TMEM120B: variants seen among roughly 807,000 people sequenced by gnomAD.
The protein encoded by TMEM120B is transmembrane protein 120B.
A neutral mutation model predicts 55.5 loss-of-function variants in TMEM120B; 31 were observed. That is an observed-to-expected ratio of 0.56 (90% CI 0.42 to 0.75). The LOEUF (loss-of-function observed/expected upper bound fraction) is 0.75. TMEM120B is among the 30% of genes least tolerant of loss of function. TMEM120B has a pLI of 0.00. For missense variants in TMEM120B, 399 were observed against 425.5 expected (o/e 0.94, Z 0.55); for synonymous variants, 203 against 176.3 (o/e 1.15, Z -1.20).
At chr12:121,741,012 A>G (rs1463503989) in intron 1 of TMEM120B, among the ~76,000 whole-genome samples, 2 of 152,244 alleles carry the variant, frequency 1.3e-5, no homozygotes, top group East Asian at 3.9e-4. Flanking sequence ...CTGTGTTCCA[A>G]TAAAACTTTA....
At chr12:121,750,157 A>T (rs1873230140) in intron 3 of TMEM120B, among the ~76,000 whole-genome samples, 1 of 151,954 alleles carries the variant, frequency 6.6e-6, no homozygotes, top group Admixed American at 6.6e-5. Flanking sequence ...CTAGGGTAGC[A>T]TGGAGGAGAA....
chr12:121,760,014 C>T (rs1436264915), intron 5 of TMEM120B, among the ~76,000 whole-genome samples: 1 of 151,400 alleles, frequency 6.6e-6, no homozygotes, highest in Admixed American at 6.6e-5. Flanking sequence ...ACCCATAGTC[C>T]CAGCTACTCA....
intron 5 of TMEM120B, among the ~76,000 whole-genome samples, chr12:121,757,981 T>C (rs1276093067): frequency 6.6e-6 from 1 of 152,142 alleles, no homozygotes; most frequent in Non-Finnish European, 1.5e-5. Flanking sequence ...TAGCCTGATG[T>C]GGTATTGTGC....
At chr12:121,738,025 A>G (rs1872808525) in intron 1 of TMEM120B, among the ~76,000 whole-genome samples, 1 of 151,590 alleles carries the variant, frequency 6.6e-6, no homozygotes, top group East Asian at 1.9e-4. Context: ...AAAAAAAAAA[A>G]AAAAGAAAGT....
chr12:121,735,827 A>G (rs1895099296), intron 1 of TMEM120B, among the ~76,000 whole-genome samples: 3 of 151,818 alleles, frequency 2.0e-5, no homozygotes, highest in Admixed American at 6.6e-5. Context: ...AGTAGCTGGG[A>G]TTACAGGCGC....
Position 121,771,362 on chromosome 12 carries a change from A to G in TMEM120B, c.618-126A>G, listed in dbSNP as rs1458898307. On this transcript the variant is annotated intron_variant, in intron 7 of 11. Transcript: ENST00000449592. ...CCCAGCCCCAGGGATAGAAGGGCGGAAGTCTGGACCTCAGTTTGACTTTAT... is the reference window on the plus strand; with the variant it reads ...CCCAGCCCCAGGGATAGAAGGGCGGGAGTCTGGACCTCAGTTTGACTTTAT... 6 of 823,110 alleles carry G rather than the reference A, an allele frequency of 7.3e-6. No individual in the cohort carries two copies. In the Admixed American group the frequency reaches 1.0e-4, roughly 14 times the overall value. The allele number at this position is 823,110 out of a possible 1,614,324, so 51.0% of individuals were successfully genotyped here. A position where few individuals can be genotyped will look rare whatever the true frequency, so the allele number is the denominator to read the frequency against.
chr12:121,722,878 C>T (rs1434172197), intron 1 of TMEM120B, among the ~76,000 whole-genome samples: 9 of 127,860 alleles, frequency 7.0e-5, no homozygotes, highest in South Asian at 2.5e-4. Context: ...GATGGAGTTT[C>T]GCTCTTGTTG....
chr12:121,715,925 A>T lies in TMEM120B; in HGVS notation c.69+2961A>T, dbSNP rs553453556. 7.3e-5 allele frequency among the ~76,000 whole-genome samples: 11 copies of T among 151,234 alleles called. No individual in the cohort carries two copies. In the South Asian group the frequency reaches 1.0e-3, roughly 14 times the overall value. On this transcript the variant is annotated intron_variant, in intron 1 of 11. Transcript: ENST00000449592. ...GATGTGAGAGCTCTGAACTCTCAAG[A>T]TGCAAGGCTCTGGGACTCTGTATAT...
chr12:121,770,123 C>T (rs1040473942), intron 6 of TMEM120B, among the ~76,000 whole-genome samples: 4 of 152,024 alleles, frequency 2.6e-5, no homozygotes, highest in Non-Finnish European at 5.9e-5. Context: ...TACCGCCCGC[C>T]GAGTGTCCTA....
intron 1 of TMEM120B, among the ~76,000 whole-genome samples, chr12:121,735,801 CT>C (rs2137077298): frequency 6.6e-6 from 1 of 152,066 alleles, no homozygotes. Flanking sequence ...AGTGAGTCTT[CT>C]GCCTCAGTCC....
intron 6 of TMEM120B, among the ~76,000 whole-genome samples, chr12:121,769,626 C>T (rs987756379): frequency 1.3e-5 from 2 of 152,102 alleles, no homozygotes; most frequent in Non-Finnish European, 2.9e-5. Flanking sequence ...ATTGCTTGAC[C>T]TGGGAGGTCA....
At chr12:121,720,224 A>G (rs948226287) in intron 1 of TMEM120B, among the ~76,000 whole-genome samples, 8 of 152,174 alleles carry the variant, frequency 5.3e-5, no homozygotes, top group African/African-American at 4.8e-5. Flanking sequence ...CCTCCCACGC[A>G]CAGACCCCCA....
chr12:121,759,902 G>A (rs1319793429), intron 5 of TMEM120B, among the ~76,000 whole-genome samples: 1 of 152,012 alleles, frequency 6.6e-6, no homozygotes, highest in Non-Finnish European at 1.5e-5. Context: ...GGAAGCCGAG[G>A]CAGGTGGATC....
At chr12:121,753,677 T>C (rs1355829086) in intron 5 of TMEM120B, among the ~76,000 whole-genome samples, 1 of 151,944 alleles carries the variant, frequency 6.6e-6, no homozygotes, top group East Asian at 1.9e-4. Context: ...ACAAGTTTTA[T>C]GGTATGTGAA....
At chr12:121,766,724 C>T (rs528004030) in intron 6 of TMEM120B, among the ~76,000 whole-genome samples, 1 of 152,250 alleles carries the variant, frequency 6.6e-6, no homozygotes, top group Non-Finnish European at 1.5e-5. Flanking sequence ...TGAGGTGGTT[C>T]CCCACAGGGG....
In TMEM120B at chr12:121,775,545, G is replaced by A; in HGVS notation, c.907-64G>A. The A allele has an allele frequency of 6.4e-7, 1 of 1,555,612 alleles. No individual in the cohort carries two copies. The highest frequency in any genetic ancestry group is 1.2e-5 in the South Asian group (1 of 82,634). ...GCAGCTGTGCTGGAGATTCTGGGGT[G>A]CTGGGGGCAGGGGTTCAGCAGGGCA... is the stretch of plus-strand genomic sequence containing the variant. On this transcript the variant is annotated intron_variant, in intron 11 of 11. Coordinates refer to ENST00000449592, the MANE Select transcript of TMEM120B (RefSeq NM_001080825.2). The surrounding 1 kb of genome is among the most constrained non-coding windows in gnomAD (Gnocchi z 4.3).
intron 1 of TMEM120B, among the ~76,000 whole-genome samples, chr12:121,742,798 G>A (rs1017890424): frequency 2.0e-5 from 3 of 151,970 alleles, no homozygotes; most frequent in Non-Finnish European, 2.9e-5. Flanking sequence ...GGCTGGTCTC[G>A]AACTCCTGAC....
At chr12:121,733,094 C>T (rs75405518) in intron 1 of TMEM120B, among the ~76,000 whole-genome samples, 14,434 of 152,030 alleles carry the variant, frequency 0.095, 840 homozygotes, top group South Asian at 0.13. Context: ...CCAGAGAGGC[C>T]GTGCAAGGAT....
chr12:121,779,687 T>C lies in TMEM120B; in HGVS notation c.*3965T>C. 1 of 1,612,612 alleles carries C rather than the reference T, an allele frequency of 6.2e-7. No homozygotes were observed. Among genetic ancestry groups the C allele is most frequent in the Non-Finnish European group, 8.5e-7 (1 of 1,179,314 alleles). On this transcript the variant is annotated 3_prime_UTR_variant, in exon 12 of 12. Transcript: ENST00000449592. ...CCTGGGTGGGGGGAGGAGCCAGCAT[T>C]AGGTGAGGGGCCCCTGGAGGTCTCC...
Sources: gnomAD v4.1 joint callset for allele counts (sites outside exome capture counted in the v4.1 genomes callset) on GRCh38, gnomAD v4.1.1 for gene constraint, Gnocchi (gnomAD v3.1) non-coding constraint, MANE v1.5 for transcripts, NCBI Gene and HGNC (gene_info 2026-07-23, HGNC 2026-07-21) for gene names.